The following SPIN2A variants were observed in gnomAD, a reference collection of about 807,000 sequenced individuals.
SPIN2A encodes spindlin-2A.
A neutral mutation model predicts 9.2 loss-of-function variants in SPIN2A; 4 were observed. That is an observed-to-expected ratio of 0.44 (90% CI 0.21 to 1.00). The LOEUF (loss-of-function observed/expected upper bound fraction) is 1.00. SPIN2A is among the 50% of genes least tolerant of loss of function. The pLI is 0.26. For synonymous variants in SPIN2A, 25 were observed against 61.2 expected (o/e 0.41, Z 2.76); for missense variants, 77 against 172.8 (o/e 0.45, Z 3.11).
chrX:57,142,531 C>T, the SPIN2A span, among the ~76,000 whole-genome samples: 2 of 112,050 alleles, frequency 1.8e-5, no homozygotes, highest in African/African-American at 3.2e-5. Flanking sequence ...AACATATGGT[C>T]TGTCTTGGAG....
upstream of SPIN2A, among the ~76,000 whole-genome samples, chrX:57,141,518 C>T (rs1367003632): frequency 9.0e-6 from 1 of 111,577 alleles, no homozygotes; most frequent in Non-Finnish European, 1.9e-5. Context: ...ATTAGTTCTT[C>T]CTTAAATTTT....
chrX:57,139,324 AGT>A (rs1927933224), upstream of SPIN2A, among the ~76,000 whole-genome samples: 1 of 112,235 alleles, frequency 8.9e-6, no homozygotes, highest in Admixed American at 9.4e-5. Context: ...TCCTTTCTAT[AGT>A]GTGTGTTCTT....
chrX:57,137,386 A>T lies in SPIN2A; in HGVS notation c.-132T>A, dbSNP rs1927854715. 22 of 747,137 alleles carry T rather than the reference A, an allele frequency of 2.9e-5. No homozygotes were observed. The highest frequency in any genetic ancestry group is 3.5e-5 in the Non-Finnish European group (22 of 633,457). The allele number at this position is 747,137 out of a possible 1,213,427, so 61.6% of individuals were successfully genotyped here. A position where few individuals can be genotyped will look rare whatever the true frequency, so the allele number is the denominator to read the frequency against. Reference sequence around the variant, plus strand: ...GGAGCGTGTGTAGGAGCGCGGCGAGACAGGCAAAGAGCACTGCAGCGGTGT... The same window carrying T: ...GGAGCGTGTGTAGGAGCGCGGCGAGTCAGGCAAAGAGCACTGCAGCGGTGT... On this transcript the variant is annotated 5_prime_UTR_variant, in exon 1 of 2. Transcript: ENST00000374906.
chrX:57,145,063 T>C, the SPIN2A span, among the ~76,000 whole-genome samples: 1 of 111,146 alleles, frequency 9.0e-6, no homozygotes, highest in Non-Finnish European at 1.9e-5. Context: ...GTATAATGAC[T>C]TTTTCTGTGG....
At chrX:57,145,253 TGG>T in the SPIN2A span, among the ~76,000 whole-genome samples, 6 of 102,900 alleles carry the variant, frequency 5.8e-5, no homozygotes, top group Non-Finnish European at 1.2e-4. Context: ...ATCATTCTTT[TGG>T]GGGGGGGTAA....
In SPIN2A at chrX:57,135,931, T is replaced by A. The variant is rs1927700362; in HGVS notation, c.667A>T (p.Lys223Ter). The A allele has an allele frequency of 8.3e-7, 1 of 1,207,857 alleles. No individual in the cohort carries two copies. The highest frequency in any genetic ancestry group is 1.8e-5 in the South Asian group (1 of 56,651). ...HVEYTKEDGS[K>*]RIGMVIHQVE... is the part of the protein sequence containing the mutation. ...TGGTGAATGACCATGCCGATCCTTT[T>A]GGAGCCATCTTCTTTGGTATATTCC... The change falls in exon 2 of 2, where the codon AAA becomes TAA. Residue 223 changes from lysine (K) to a stop codon, truncating the protein, a stop_gained. Transcript: ENST00000374906. LOFTEE classifies it high-confidence loss of function.
Position 57,137,364 on chromosome X carries a change from G to T in SPIN2A, c.-110C>A, listed in dbSNP as rs1927851936. The T allele has an allele frequency of 6.6e-6, 5 of 756,239 alleles. No homozygotes were observed. The highest frequency in any genetic ancestry group is 6.2e-6 in the Non-Finnish European group (4 of 640,229). The allele number at this position is 756,239 out of a possible 1,213,427, so 62.3% of individuals were successfully genotyped here. ...GGAGGGTAGGATCCATAGATGAGGAGCGTGTGTAGGAGCGCGGCGAGACAG... is the reference window on the plus strand; with the variant it reads ...GGAGGGTAGGATCCATAGATGAGGATCGTGTGTAGGAGCGCGGCGAGACAG... On this transcript the variant is annotated 5_prime_UTR_variant, in exon 1 of 2. Transcript: ENST00000374906.
chrX:57,138,648 A>G (rs750353166), upstream of SPIN2A, among the ~76,000 whole-genome samples: 1 of 111,312 alleles, frequency 9.0e-6, no homozygotes, highest in South Asian at 3.7e-4. Flanking sequence ...GCTGTTTTTC[A>G]TAATGGCTAT....
Position 57,135,780 on chromosome X carries a change from T to C in SPIN2A, c.*41A>G, listed in dbSNP as rs768790364. 1.8e-5 allele frequency: 21 copies of C among 1,166,008 alleles called. No individual in the cohort carries two copies. Among genetic ancestry groups the C allele is most frequent in the South Asian group, 4.1e-5 (2 of 48,628 alleles). On this transcript the variant is annotated 3_prime_UTR_variant, in exon 2 of 2. Transcript: ENST00000374906. ...ACATTTTTTGCATGTCTACAAATTA[T>C]ACATTTGTTTCCACACATGTGCCAA...
chrX:57,145,054 T>G, the SPIN2A span, among the ~76,000 whole-genome samples: 1 of 111,473 alleles, frequency 9.0e-6, no homozygotes, highest in South Asian at 3.7e-4. Flanking sequence ...ATCTTTTTTG[T>G]ATAATGACTT....
chrX:57,134,447 T>C (rs1163980811), downstream of SPIN2A: 1 of 111,234 alleles, frequency 9.0e-6, no homozygotes, highest in African/African-American at 3.3e-5. Flanking sequence ...AGCAGGTTTC[T>C]TTTAGTGGAT....
chrX:57,144,154 G>A, the SPIN2A span, among the ~76,000 whole-genome samples: 6 of 111,679 alleles, frequency 5.4e-5, no homozygotes, highest in African/African-American at 2.0e-4. Context: ...TGGCTTGCAA[G>A]GTTTCTGCTA....
upstream of SPIN2A, among the ~76,000 whole-genome samples, chrX:57,139,697 G>A (rs996145026): frequency 4.5e-5 from 5 of 111,205 alleles, no homozygotes; most frequent in East Asian, 2.8e-4. Flanking sequence ...CTCGTGATCC[G>A]CCCGCCTTGG....
rs1040730949 is a variant in SPIN2A, at chrX:57,137,315, C to A, written c.-61G>T. The A allele has an allele frequency of 2.6e-6, 2 of 757,977 alleles. No individual in the cohort carries two copies. Among genetic ancestry groups the A allele is most frequent in the Admixed American group, 1.5e-4 (2 of 12,908 alleles). The allele number at this position is 757,977 out of a possible 1,213,427, so 62.5% of individuals were successfully genotyped here. ...CGAAGGAGGGTCAACAGGCGACTCG[C>A]TGAGTGACTGCTTGCAAGAGCGGGG... On this transcript the variant is annotated 5_prime_UTR_variant, in exon 1 of 2. Coordinates refer to ENST00000374906, the MANE Select transcript of SPIN2A (RefSeq NM_019003.5).
At chrX:57,142,459 A>G (rs962390810), upstream of SPIN2A, among the ~76,000 whole-genome samples, 3 of 112,401 alleles carry the variant, frequency 2.7e-5, no homozygotes, top group Non-Finnish European at 5.6e-5. Context: ...CATTGTAGTT[A>G]GAAAAGATAC....
chrX:57,144,904 G>A, the SPIN2A span, among the ~76,000 whole-genome samples: 1 of 92,285 alleles, frequency 1.1e-5, no homozygotes, highest in African/African-American at 4.9e-5. Context: ...ATATATGTAT[G>A]TATATGTATG....
the SPIN2A span, among the ~76,000 whole-genome samples, chrX:57,143,561 C>T: frequency 3.6e-5 from 4 of 110,699 alleles, no homozygotes; most frequent in African/African-American, 1.3e-4. Context: ...ACTGCAACCT[C>T]TGCCCCCCAG....
At chrX:57,141,367 A>G (rs1927998363), upstream of SPIN2A, among the ~76,000 whole-genome samples, 1 of 111,942 alleles carries the variant, frequency 8.9e-6, no homozygotes. Context: ...TTGCATGTAT[A>G]TTTATTGGTA....
At chrX:57,139,561 C>T (rs1927940624), upstream of SPIN2A, among the ~76,000 whole-genome samples, 1 of 111,326 alleles carries the variant, frequency 9.0e-6, no homozygotes, top group Admixed American at 9.6e-5. Context: ...TCACGCCATT[C>T]TCCTGCCTCA....
Sources: allele counts gnomAD v4.1 joint callset (sites outside exome capture counted in the v4.1 genomes callset), GRCh38; gene constraint gnomAD v4.1.1; transcripts MANE v1.5; gene names NCBI Gene and HGNC (gene_info 2026-07-23, HGNC 2026-07-21).